ZNF584: variants seen among roughly 807,000 people sequenced by gnomAD.
ZNF584 encodes zinc finger protein 584.
Under a neutral mutation model 14.7 loss-of-function variants are expected in ZNF584, and 12 were observed. The observed-to-expected ratio is 0.82, with a 90% CI of 0.52 to 1.32. The LOEUF (loss-of-function observed/expected upper bound fraction) is 1.32, where lower values mean the gene tolerates loss of function less well. Among genes scored for constraint, ZNF584 ranks in the 40% most tolerant of loss-of-function variants. The probability of loss-of-function intolerance (pLI) is 0.00; values close to 1 mark genes in which losing one functional copy is unlikely to be tolerated. For synonymous variants in ZNF584, 204 were observed against 190.9 expected, an observed-to-expected ratio of 1.07 and a Z score of -0.57; for missense variants, 478 against 518.8, an observed-to-expected ratio of 0.92 and a Z score of 0.76.
At chr19:58,414,874 CT>C (rs35582780) in intron 2 of ZNF584, among the ~76,000 whole-genome samples, 26,948 of 148,824 alleles carry the variant, frequency 0.18, 2,610 homozygotes, top group Non-Finnish European at 0.22. Flanking sequence ...CATAGAAAGG[CT>C]TTTTTTTTTC....
chr19:58,410,518 A>AATATATATATATATATAT (rs1156543028), intron 2 of ZNF584, among the ~76,000 whole-genome samples: 4 of 77,176 alleles, frequency 5.2e-5, no homozygotes, highest in African/African-American at 9.9e-5. Flanking sequence ...CGGTTTGGGA[A>AATATATATATATATATAT]ATATATATAT....
chr19:58,410,777 A>ATTTTTTT (rs1491122996), intron 2 of ZNF584, among the ~76,000 whole-genome samples: 13 of 8,052 alleles, frequency 1.6e-3, no homozygotes, highest in South Asian at 5.5e-3. Flanking sequence ...ATATATATAT[A>ATTTTTTT]ATTTTTTTTT....
chr19:58,410,747 A>G (rs184248902), intron 2 of ZNF584, among the ~76,000 whole-genome samples: 570 of 28,186 alleles, frequency 0.02, 93 homozygotes, highest in African/African-American at 0.055. Context: ...ATATGTGTGT[A>G]TATATATATA....
chr19:58,410,778 ATTTTTT>A lies in ZNF584; in HGVS notation c.169+713_169+718del, dbSNP rs869150389. On this transcript the variant is annotated intron_variant, in intron 2 of 3. Coordinates refer to ENST00000306910, the MANE Select transcript of ZNF584 (RefSeq NM_173548.3). ...ATATATATATGTATATATATATATAATTTTTTTTTTTTTTTTTTTTTTTTTTTTTTT... is the reference window on the plus strand; with the variant it reads ...ATATATATATGTATATATATATATAATTTTTTTTTTTTTTTTTTTTTTTTT... Among the ~76,000 whole-genome samples, 28 of 8,934 alleles carry A rather than the reference ATTTTTT, an allele frequency of 3.1e-3. 1 individual carries two copies. The highest frequency in any genetic ancestry group is 0.013 in the African/African-American group (14 of 1,092). The allele number at this position is 8,934 out of a possible 152,430, so 5.9% of individuals were successfully genotyped here. A position where few individuals can be genotyped will look rare whatever the true frequency, so the allele number is the denominator to read the frequency against.
At chr19:58,403,740 C>T (rs897289721), upstream of ZNF584, among the ~76,000 whole-genome samples, 7 of 151,870 alleles carry the variant, frequency 4.6e-5, no homozygotes, top group South Asian at 2.1e-4. Context: ...GGAGGCTGAG[C>T]GGGGCGGATC....
At chr19:58,412,812 TA>T (rs2052593811) in intron 2 of ZNF584, among the ~76,000 whole-genome samples, 1 of 152,208 alleles carries the variant, frequency 6.6e-6, no homozygotes, top group Admixed American at 6.5e-5. Flanking sequence ...TGTTTTTTAA[TA>T]ACAACAAGAA....
intron 2 of ZNF584, among the ~76,000 whole-genome samples, chr19:58,410,605 A>G (rs148933087): frequency 0.056 from 660 of 11,744 alleles, 24 homozygotes; most frequent in Non-Finnish European, 0.082. Flanking sequence ...ATATATATGT[A>G]TATATATGTG....
rs1436380523 is a variant in ZNF584, at chr19:58,409,871, G to A, written c.19-70G>A. On this transcript the variant is annotated intron_variant, in intron 1 of 3. Coordinates refer to ENST00000306910, the MANE Select transcript of ZNF584 (RefSeq NM_173548.3). ...AGATGTGATAGGACCCTGAGATACA[G>A]GTCAAGGGCCTGAATGTGTCCATCT... 1.9e-5 allele frequency: 30 copies of A among 1,593,806 alleles called. No homozygotes were observed. In the East Asian group the frequency reaches 6.7e-4, roughly 36 times the overall value.
At chr19:58,416,403 ATTTT>A (rs143334237) in intron 3 of ZNF584, 27 of 133,072 alleles carry the variant, frequency 2.0e-4, no homozygotes, top group South Asian at 9.3e-4. Context: ...TGCCTGGCTA[ATTTT>A]TTTTTTTTTT....
chr19:58,410,561 GTATATATATATGTA>G, intron 2 of ZNF584, among the ~76,000 whole-genome samples: 1 of 20,450 alleles, frequency 4.9e-5, no homozygotes, highest in Middle Eastern at 0.013. Context: ...ATATATATGT[GTATATATATATGTA>G]TATATATGTA....
In ZNF584 at chr19:58,418,169, A is replaced by G; in HGVS notation, c.*385A>G. 1 of 228,296 alleles carries G rather than the reference A, an allele frequency of 4.4e-6. No homozygotes were observed. The highest frequency in any genetic ancestry group is 5.1e-5 in the Admixed American group (1 of 19,684). 14.1% of individuals were successfully genotyped at this position (228,296 alleles called of 1,614,324 possible). On this transcript the variant is annotated 3_prime_UTR_variant, in exon 4 of 4. Coordinates refer to ENST00000306910, the MANE Select transcript of ZNF584 (RefSeq NM_173548.3). Reference sequence around the variant, plus strand: ...GACATGACCCACCTCTGGCCGGAGGAGCTGAGCTGGTATCTGCTGGGGGCT... The same window carrying G: ...GACATGACCCACCTCTGGCCGGAGGGGCTGAGCTGGTATCTGCTGGGGGCT...
chr19:58,402,844 A>C (rs2122182112), intron 1 of ZNF584, among the ~76,000 whole-genome samples: 1 of 151,688 alleles, frequency 6.6e-6, no homozygotes, highest in South Asian at 2.1e-4. Context: ...AAAAAAAAAA[A>C]AAAAAGGCCG....
chr19:58,415,575 A>G lies in ZNF584; in HGVS notation c.221A>G (p.Gln74Arg), dbSNP rs1230217934. Reference sequence around the variant, plus strand: ...TTTACCCAGCTGGAGGATGATGAACAGTCGTGGGTGCCCAGCTGGGTGGAT... The same window carrying G: ...TTTACCCAGCTGGAGGATGATGAACGGTCGTGGGTGCCCAGCTGGGTGGAT... ...PVFTQLEDDE[Q>R]SWVPSWVDVT... is the part of the protein sequence containing the mutation. The change falls in exon 3 of 4, where the codon CAG (glutamine) becomes CGG (arginine). Residue 74 changes from glutamine (Q) to arginine (R), a missense_variant. Around this residue, in one of 3 missense-constraint regions of ZNF584, gnomAD observed 189 missense variants for 177.9 expected, o/e 1.06. Transcript: ENST00000306910. 6.2e-7 allele frequency: 1 copy of G among 1,613,962 alleles called. No individual in the cohort carries two copies. Among genetic ancestry groups the G allele is most frequent in the East Asian group, 2.2e-5 (1 of 44,890 alleles).
Position 58,417,727 on chromosome 19 carries a change from C to A in ZNF584, c.1209C>A (p.Val403=), listed in dbSNP as rs370767420. The A allele has an allele frequency of 2.9e-5, 47 of 1,613,940 alleles. No homozygotes were observed. The highest frequency in any genetic ancestry group is 1.3e-5 in the African/African-American group (1 of 74,918). ...CCACCCTCCTTCAGCACAAGAAAGTCCATACTCCAGAAAGGCGTCAGGAGG... is the reference window on the plus strand; with the variant it reads ...CCACCCTCCTTCAGCACAAGAAAGTACATACTCCAGAAAGGCGTCAGGAGG... ...HSSTLLQHKK[V]HTPERRQEDR... is the part of the protein sequence containing the mutation. Residue 403 remains valine, a synonymous_variant, in exon 4 of 4, where the codon GTC becomes GTA. Coordinates refer to ENST00000306910, the MANE Select transcript of ZNF584 (RefSeq NM_173548.3).
Position 58,410,573 on chromosome 19 carries a change from G to GTGTATA in ZNF584, c.169+483_169+484insGTATAT, listed in dbSNP as rs1453054517. Among the ~76,000 whole-genome samples, 5 of 6,444 alleles carry GTGTATA rather than the reference G, an allele frequency of 7.8e-4. 1 individual carries two copies. Among genetic ancestry groups the GTGTATA allele is most frequent in the African/African-American group, 3.3e-3 (5 of 1,528 alleles). The allele number at this position is 6,444 out of a possible 152,430, so 4.2% of individuals were successfully genotyped here. Reference sequence around the variant, plus strand: ...TATATATATATGTGTATATATATATGTATATATATGTATATATATGTATAT... The same window carrying GTGTATA: ...TATATATATATGTGTATATATATATGTGTATATATATATATGTATATATATGTATAT... On this transcript the variant is annotated intron_variant, in intron 2 of 3. Coordinates refer to ENST00000306910, the MANE Select transcript of ZNF584 (RefSeq NM_173548.3).
At chr19:58,401,803 A>G (rs1257804260) in intron 1 of ZNF584, 1 of 146,260 alleles carries the variant, frequency 6.8e-6, no homozygotes, top group Non-Finnish European at 1.5e-5. Context: ...CTTTGAGTAC[A>G]GATCATATAG....
upstream of ZNF584, chr19:58,405,651 G>T (rs953842475): frequency 1.7e-3 from 302 of 173,040 alleles, no homozygotes; most frequent in Non-Finnish European, 2.9e-3. Context: ...CAGGCAGAGG[G>T]TCTCCTCACT....
upstream of ZNF584, chr19:58,405,525 C>A (rs1002688353): frequency 6.4e-6 from 1 of 155,336 alleles, no homozygotes; most frequent in Non-Finnish European, 1.4e-5. Context: ...GGCTGCCGGG[C>A]GGAGATGCTC....
At chr19:58,409,258 G>A (rs2052510252) in intron 1 of ZNF584, 93 bp downstream of exon 1, 1 of 1,315,434 alleles carries the variant, frequency 7.6e-7, no homozygotes, top group Non-Finnish European at 9.9e-7. Flanking sequence ...GGAGATCTGC[G>A]TATGATTCCA....
Sources: gnomAD v4.1 joint callset for allele counts (sites outside exome capture counted in the v4.1 genomes callset) on GRCh38, gnomAD v4.1.1 for gene constraint, gnomAD v4.1.1 regional missense constraint, MANE v1.5 for transcripts, NCBI Gene and HGNC (gene_info 2026-07-23, HGNC 2026-07-21) for gene names.